The following CHD9 variants were observed in gnomAD, a reference collection of about 807,000 sequenced individuals.
CHD9 encodes ATP-dependent chromatin remodeler CHD9.
In CHD9, 77 loss-of-function variants were observed where a neutral mutation model predicts 316.1. That is an observed-to-expected ratio of 0.24 (90% CI 0.20 to 0.29). CHD9 has a LOEUF of 0.29. Ranked by LOEUF, CHD9 falls within the 10% of genes least tolerant of loss-of-function variation. The pLI is 1.00. For missense variants in CHD9, 2,763 were observed against 3,438.1 expected (o/e 0.80, Z 4.91); for synonymous variants, 1,129 against 1,158.3 (o/e 0.97, Z 0.51).
chr16:53,079,012 C>A (rs2034788593), intron 1 of CHD9, among the ~76,000 whole-genome samples: 1 of 152,158 alleles, frequency 6.6e-6, no homozygotes, highest in Non-Finnish European at 1.5e-5. Flanking sequence ...GTGAAGCTCC[C>A]ACTCTGCAGC....
chr16:53,221,040 A>G (rs1195473668), intron 3 of CHD9, among the ~76,000 whole-genome samples: 1 of 152,248 alleles, frequency 6.6e-6, no homozygotes, highest in Non-Finnish European at 1.5e-5. Flanking sequence ...AGCTGTGATC[A>G]TAGTCTAACT....
At chr16:53,122,873 A>ATT (rs35194227) in intron 1 of CHD9, among the ~76,000 whole-genome samples, 3 of 139,140 alleles carry the variant, frequency 2.2e-5, no homozygotes, top group Non-Finnish European at 1.6e-5. Flanking sequence ...CGCCCGGCTA[A>ATT]TTTTTTTTTT....
chr16:53,216,242 G>A (rs1456701477), intron 3 of CHD9, among the ~76,000 whole-genome samples: 1 of 152,020 alleles, frequency 6.6e-6, no homozygotes, highest in Non-Finnish European at 1.5e-5. Context: ...GTGTTCTATA[G>A]CAATTGGGTG....
intron 1 of CHD9, among the ~76,000 whole-genome samples, chr16:53,065,879 G>A (rs2033455418): frequency 6.6e-6 from 1 of 151,926 alleles, no homozygotes; most frequent in African/African-American, 2.4e-5. Flanking sequence ...TTTTTGTTTT[G>A]TTGAGTCTTG....
chr16:53,115,094 G>T (rs892942343), intron 1 of CHD9, among the ~76,000 whole-genome samples: 13 of 152,200 alleles, frequency 8.5e-5, no homozygotes, highest in Middle Eastern at 3.2e-3. Flanking sequence ...TTACTTGAAT[G>T]CCTCTTTTCT....
At position 53,304,172 on chromosome 16, in the gene CHD9, C is replaced by T; in HGVS notation, c.6166C>T (p.Pro2056Ser). 2 of 1,612,456 alleles carry T rather than the reference C, an allele frequency of 1.2e-6. No individual in the cohort carries two copies. Among genetic ancestry groups the T allele is most frequent in the East Asian group, 2.2e-5 (1 of 44,858 alleles). Residue 2056 changes from proline to serine, a missense_variant, in exon 31 of 39, where the codon CCT (proline) becomes TCT (serine). Physicochemically the swap from Pro to Ser is moderately conservative, Grantham distance 74 (BLOSUM62 -1). Around this residue, in one of 15 missense-constraint regions of CHD9, gnomAD observed 663 missense variants for 751.2 expected, o/e 0.88. Coordinates refer to ENST00000447540, the MANE Select transcript of CHD9 (RefSeq NM_001308319.2). ...TAAAAGTGAAAACCTTAAAGAGGAGCCTCAGTCTTCTGAAGAAGAATCTAT... is the reference window on the plus strand; with the variant it reads ...TAAAAGTGAAAACCTTAAAGAGGAGTCTCAGTCTTCTGAAGAAGAATCTAT... ...KVKSENLKEE[P>S]QSSEEESMSS...
Position 53,126,323 on chromosome 16 carries a change from T to C in CHD9, c.-164-29603T>C, listed in dbSNP as rs1208051628. Among the ~76,000 whole-genome samples the C allele has an allele frequency of 3.9e-5, 6 of 152,220 alleles. No homozygotes were observed. The East Asian group carries it at 1.2e-3, about 29-fold the overall frequency. On this transcript the variant is annotated intron_variant, in intron 1 of 38. Coordinates refer to ENST00000447540, the MANE Select transcript of CHD9 (RefSeq NM_001308319.2). ...CTACTCTTTCCCAATCTAAATGTCT[T>C]GGCATTCTTACTGAAAATCAATTGA... is the stretch of plus-strand genomic sequence containing the variant.
intron 1 of CHD9, among the ~76,000 whole-genome samples, chr16:53,094,896 C>A (rs1451027037): frequency 3.3e-5 from 5 of 152,178 alleles, no homozygotes; most frequent in Non-Finnish European, 2.9e-5. Context: ...GCCTCAGTCT[C>A]CCAAAGTGCT....
At chr16:53,278,517 A>G in intron 24 of CHD9, among the ~76,000 whole-genome samples, 1 of 152,192 alleles carries the variant, frequency 6.6e-6, no homozygotes, top group Non-Finnish European at 1.5e-5. Flanking sequence ...AAGACACCCT[A>G]TTCAACAAAT....
At chr16:53,056,155 T>C (rs1204540770) in intron 1 of CHD9, among the ~76,000 whole-genome samples, 1 of 152,196 alleles carries the variant, frequency 6.6e-6, no homozygotes, top group Admixed American at 6.5e-5. Context: ...CCTCCCAAAG[T>C]GCTGGGATTA....
intron 2 of CHD9, among the ~76,000 whole-genome samples, chr16:53,201,906 C>T (rs1252336074): frequency 6.6e-6 from 1 of 151,850 alleles, no homozygotes; most frequent in East Asian, 1.9e-4. Flanking sequence ...CCCAACCCAA[C>T]TTGAGTACAG....
At chr16:53,196,171 C>T (rs562065939) in intron 2 of CHD9, among the ~76,000 whole-genome samples, 139 of 152,194 alleles carry the variant, frequency 9.1e-4, no homozygotes, top group African/African-American at 3.2e-3. Context: ...TTTAGATTTC[C>T]CCAGTTTTCC....
intron 1 of CHD9, among the ~76,000 whole-genome samples, chr16:53,073,664 G>A (rs1301753110): frequency 6.6e-6 from 1 of 152,158 alleles, no homozygotes; most frequent in African/African-American, 2.4e-5. Context: ...TCGTGGTAGT[G>A]AATAAGTCTC....
intron 17 of CHD9, among the ~76,000 whole-genome samples, chr16:53,253,247 A>G (rs1184564789): frequency 1.3e-5 from 2 of 152,144 alleles, no homozygotes; most frequent in East Asian, 3.9e-4. Flanking sequence ...TATATATGAT[A>G]GGATACTGCA....
At chr16:53,173,555 T>A (rs537780006) in intron 2 of CHD9, among the ~76,000 whole-genome samples, 316 of 152,218 alleles carry the variant, frequency 2.1e-3, no homozygotes, top group South Asian at 4.3e-3. Context: ...ATTTTATTTT[T>A]TTTTTTTAAG....
At chr16:53,105,989 ATT>A (rs1009358794) in intron 1 of CHD9, among the ~76,000 whole-genome samples, 1 of 151,944 alleles carries the variant, frequency 6.6e-6, no homozygotes, top group African/African-American at 2.4e-5. Context: ...TGCCTGGCTA[ATT>A]TTTTGTATCT....
chr16:53,303,138 ATG>A (rs1171973429), intron 30 of CHD9, among the ~76,000 whole-genome samples: 13 of 151,418 alleles, frequency 8.6e-5, no homozygotes, highest in Admixed American at 5.9e-4. Flanking sequence ...ACAGCTTTGA[ATG>A]CGGCCCATCA....
chr16:53,218,112 T>C (rs1484401836), intron 3 of CHD9, among the ~76,000 whole-genome samples: 1 of 152,148 alleles, frequency 6.6e-6, no homozygotes, highest in Non-Finnish European at 1.5e-5. Flanking sequence ...AAGGCACGTG[T>C]AACATTTTGG....
At chr16:53,246,596 A>C (rs2049643239) in intron 15 of CHD9, among the ~76,000 whole-genome samples, 1 of 152,112 alleles carries the variant, frequency 6.6e-6, no homozygotes, top group South Asian at 2.1e-4. Context: ...CATAGCTCAC[A>C]GTAGCCTCAA....
Sources: allele counts gnomAD v4.1 joint callset (sites outside exome capture counted in the v4.1 genomes callset), GRCh38; gene constraint gnomAD v4.1.1; regional missense constraint gnomAD v4.1.1; transcripts MANE v1.5; gene names NCBI Gene and HGNC (gene_info 2026-07-23, HGNC 2026-07-21).